Variants in MACROD2 observed in about 807,000 individuals in gnomAD.
MACROD2 encodes the protein ADP-ribose glycohydrolase MACROD2.
Under a neutral mutation model 70.4 loss-of-function variants are expected in MACROD2, and 36 were observed. That is an observed-to-expected ratio of 0.51 (90% confidence interval 0.39 to 0.68). The LOEUF (loss-of-function observed/expected upper bound fraction) is 0.68, where lower values mean the gene tolerates loss of function less well. Ranked by LOEUF, MACROD2 falls within the 30% of genes least tolerant of loss-of-function variation. The pLI, the probability that MACROD2 is intolerant of heterozygous loss-of-function variation, is 0.00. For synonymous variants in MACROD2, 172 were observed against 178.8 expected (o/e 0.96, Z 0.30); for missense variants, 496 against 538.4 (o/e 0.92, Z 0.78).
intron 8 of MACROD2, among the ~76,000 whole-genome samples, chr20:15,534,554 T>A (rs1280288182): frequency 6.6e-6 from 1 of 152,208 alleles, no homozygotes; most frequent in Non-Finnish European, 1.5e-5. Context: ...GCTTTTTTTT[T>A]CTTACTTAGA....
rs374839684 is a variant in MACROD2, at chr20:15,987,166, T to C, written c.1153+8T>C. On this transcript the variant is annotated splice_region_variant and intron_variant, in intron 15 of 17. Transcript: ENST00000684519. ...AAAAAGAAGGTGAAAAAGGTAGGAC[T>C]GCTCTTAAATTAACCCATCAAGAAT... The C allele has an allele frequency of 1.2e-4, 184 of 1,594,826 alleles. No homozygotes were observed. The African/African-American group carries it at 2.3e-3, about 20-fold the overall frequency.
At chr20:14,547,341 C>T (rs956113817) in intron 4 of MACROD2, 1 of 235,428 alleles carries the variant, frequency 4.2e-6, no homozygotes, top group African/African-American at 2.3e-5. Context: ...CAAAGTCCAT[C>T]ATACAGATCA....
chr20:15,557,153 A>T (rs1401784825), intron 8 of MACROD2, among the ~76,000 whole-genome samples: 1 of 152,024 alleles, frequency 6.6e-6, no homozygotes, highest in Non-Finnish European at 1.5e-5. Flanking sequence ...GCATTTCTTC[A>T]TTCAAAAAGC....
At chr20:15,568,064 G>A (rs1285516043) in intron 8 of MACROD2, among the ~76,000 whole-genome samples, 1 of 152,174 alleles carries the variant, frequency 6.6e-6, no homozygotes, top group Non-Finnish European at 1.5e-5. Flanking sequence ...GTTGACTTTA[G>A]TTGGTTATGA....
intron 5 of MACROD2, among the ~76,000 whole-genome samples, chr20:15,008,949 A>T (rs919272896): frequency 6.6e-6 from 1 of 152,020 alleles, no homozygotes; most frequent in Non-Finnish European, 1.5e-5. Context: ...GCTTGAGTAA[A>T]ACCCTTATTC....
At chr20:15,422,667 C>G in intron 6 of MACROD2, among the ~76,000 whole-genome samples, 1 of 152,194 alleles carries the variant, frequency 6.6e-6, no homozygotes, top group East Asian at 1.9e-4. Flanking sequence ...GCTGCTGCCT[C>G]CCATGTCCAA....
chr20:14,470,578 A>G (rs569697529), intron 3 of MACROD2, among the ~76,000 whole-genome samples: 118 of 151,560 alleles, frequency 7.8e-4, no homozygotes, highest in Middle Eastern at 3.4e-3. Context: ...TTATCTATAA[A>G]CCCCTGACTG....
At chr20:14,632,972 ATT>A (rs1283386545) in intron 4 of MACROD2, among the ~76,000 whole-genome samples, 4 of 152,184 alleles carry the variant, frequency 2.6e-5, no homozygotes, top group African/African-American at 9.7e-5. Context: ...AACAACTGAA[ATT>A]TTTTCTCTCA....
chr20:15,712,086 G>T (rs2050637266), intron 8 of MACROD2, among the ~76,000 whole-genome samples: 1 of 152,184 alleles, frequency 6.6e-6, no homozygotes, highest in East Asian at 1.9e-4. Context: ...ATTCTTTGGT[G>T]ATGCCACTTT....
chr20:14,828,954 TTC>T (rs1221208219), intron 5 of MACROD2, among the ~76,000 whole-genome samples: 1 of 142,602 alleles, frequency 7.0e-6, no homozygotes, highest in Non-Finnish European at 1.6e-5. Flanking sequence ...TATTTTTTCC[TTC>T]TTTTTTTTTT....
At chr20:15,227,333 C>G (rs2076915788) in intron 5 of MACROD2, among the ~76,000 whole-genome samples, 1 of 152,006 alleles carries the variant, frequency 6.6e-6, no homozygotes, top group Non-Finnish European at 1.5e-5. Flanking sequence ...CTCTCTTTCT[C>G]TTTTTCTTTC....
intron 8 of MACROD2, among the ~76,000 whole-genome samples, chr20:15,794,545 T>C (rs2063655327): frequency 6.6e-6 from 1 of 152,214 alleles, no homozygotes; most frequent in Admixed American, 6.5e-5. Flanking sequence ...CCAAGACCAT[T>C]TTTTCTCCTT....
intron 8 of MACROD2, among the ~76,000 whole-genome samples, chr20:15,581,039 A>T (rs1337535227): frequency 6.6e-6 from 1 of 152,176 alleles, no homozygotes; most frequent in Non-Finnish European, 1.5e-5. Context: ...GGGACCAGAC[A>T]TGACTGTTTT....
chr20:14,765,256 A>C (rs75973), intron 5 of MACROD2, among the ~76,000 whole-genome samples: 139,038 of 152,004 alleles, frequency 0.91, 63,988 homozygotes, highest in African/African-American at 0.98. Flanking sequence ...TCTCCCCTAC[A>C]CCCATCCTTA....
At chr20:14,292,601 A>G (rs1014199871) in intron 3 of MACROD2, among the ~76,000 whole-genome samples, 6 of 151,848 alleles carry the variant, frequency 4.0e-5, no homozygotes, top group African/African-American at 1.5e-4. Flanking sequence ...ATCAGGTGAA[A>G]AAAACTAAAA....
At chr20:15,666,512 A>C (rs1325870201) in intron 8 of MACROD2, among the ~76,000 whole-genome samples, 2 of 152,196 alleles carry the variant, frequency 1.3e-5, no homozygotes, top group Non-Finnish European at 2.9e-5. Context: ...GACCCTAATA[A>C]AAATTTATGT....
chr20:14,927,498 G>A (rs1256440641), intron 5 of MACROD2, among the ~76,000 whole-genome samples: 2 of 152,170 alleles, frequency 1.3e-5, no homozygotes, highest in Non-Finnish European at 2.9e-5. Flanking sequence ...ATACTCTGCC[G>A]CCATGCTTTC....
At chr20:15,887,532 G>A (rs774962890) in intron 10 of MACROD2, among the ~76,000 whole-genome samples, 7 of 152,082 alleles carry the variant, frequency 4.6e-5, no homozygotes, top group African/African-American at 9.7e-5. Flanking sequence ...TCTGCTGAGC[G>A]CTTTACTTGT....
At chr20:15,324,712 G>A (rs1019831997) in intron 6 of MACROD2, among the ~76,000 whole-genome samples, 5 of 152,084 alleles carry the variant, frequency 3.3e-5, no homozygotes, top group Non-Finnish European at 4.4e-5. Context: ...GGTCTTTTTT[G>A]TCCTTAGAAT....
Sources: allele counts gnomAD v4.1 joint callset (sites outside exome capture counted in the v4.1 genomes callset), GRCh38; gene constraint gnomAD v4.1.1; transcripts MANE v1.5; gene names NCBI Gene and HGNC (gene_info 2026-07-23, HGNC 2026-07-21).